Variants in ANO1 observed in about 807,000 individuals in gnomAD.
ANO1 encodes anoctamin-1.
In ANO1, 59 loss-of-function variants were observed where a neutral mutation model predicts 124.0. That is an observed-to-expected ratio of 0.48 (90% CI 0.39 to 0.59). The LOEUF is 0.59. ANO1 is among the 20% of genes least tolerant of loss of function. ANO1 has a pLI of 0.00. For synonymous variants in ANO1, 529 were observed against 532.0 expected, an observed-to-expected ratio of 0.99 and a Z score of 0.08; for missense variants, 1,059 against 1,328.0, an observed-to-expected ratio of 0.80 and a Z score of 3.15.
chr11:70,026,008 T>C (rs1383660811), intron 1 of ANO1, among the ~76,000 whole-genome samples: 2 of 148,878 alleles, frequency 1.3e-5, no homozygotes, highest in Non-Finnish European at 3.0e-5. Flanking sequence ...ATGATGATGA[T>C]GATGGTGGTG....
intron 18 of ANO1, among the ~76,000 whole-genome samples, chr11:70,162,099 G>GAGTGAGGGCCCCGGGC (rs1243477341): frequency 2.4e-3 from 359 of 149,782 alleles, no homozygotes; most frequent in South Asian, 9.9e-3. Flanking sequence ...GAGGACCCGG[G>GAGTGAGGGCCCCGGGC]AGTGAGGGCC....
In ANO1 at chr11:70,105,731, C is replaced by CAGATTT. The variant is rs1171707306; in HGVS notation, c.693-2_696dup. ...TCTTGTTTCCTTCCCGATATTTCCA[C>CAGATTT]AGATTTGACTTGTCTGATAAGGATT... On this transcript the variant is annotated splice_region_variant and splice_polypyrimidine_tract_variant and intron_variant, in intron 4 of 25. Coordinates refer to ENST00000355303, the MANE Select transcript of ANO1 (RefSeq NM_018043.7). 1.2e-6 allele frequency: 2 copies of CAGATTT among 1,613,356 alleles called. No individual in the cohort carries two copies. The highest frequency in any genetic ancestry group is 2.7e-5 in the African/African-American group (2 of 74,916).
chr11:70,144,882 A>G (rs1478958077), intron 11 of ANO1, among the ~76,000 whole-genome samples: 1 of 152,168 alleles, frequency 6.6e-6, no homozygotes, highest in Non-Finnish European at 1.5e-5. Flanking sequence ...AACCTCAGCT[A>G]TGTGTCTATA....
upstream of ANO1, among the ~76,000 whole-genome samples, chr11:70,074,659 C>T (rs1253894518): frequency 6.6e-6 from 1 of 152,172 alleles, no homozygotes; most frequent in Non-Finnish European, 1.5e-5. Flanking sequence ...AGCAGTGGTG[C>T]TCAACTGGGG....
chr11:70,131,332 T>TGC (rs1555034669), intron 10 of ANO1, among the ~76,000 whole-genome samples: 1,866 of 148,384 alleles, frequency 0.013, 62 homozygotes, highest in East Asian at 0.031. Flanking sequence ...TGTGTGTGTG[T>TGC]GCGCGTCTGT....
At chr11:69,997,793 TTCTC>T (rs1220421039) in intron 1 of ANO1, among the ~76,000 whole-genome samples, 2 of 151,996 alleles carry the variant, frequency 1.3e-5, no homozygotes, top group Non-Finnish European at 2.9e-5. Flanking sequence ...ACTTCACCCT[TTCTC>T]TCTCTCTTGC....
At chr11:70,013,162 A>G (rs1002235189) in intron 1 of ANO1, among the ~76,000 whole-genome samples, 2 of 152,244 alleles carry the variant, frequency 1.3e-5, no homozygotes, top group Non-Finnish European at 2.9e-5. Flanking sequence ...TGTGTTAGGC[A>G]GAGAGGCCAG....
chr11:70,059,061 G>A (rs1378948800), intron 1 of ANO1, among the ~76,000 whole-genome samples: 5 of 151,754 alleles, frequency 3.3e-5, no homozygotes, highest in Non-Finnish European at 5.9e-5. Context: ...GCGTGGTGGC[G>A]GGCGCCTGCA....
chr11:70,044,827 A>G (rs1484836341), intron 1 of ANO1, among the ~76,000 whole-genome samples: 1 of 152,240 alleles, frequency 6.6e-6, no homozygotes, highest in Non-Finnish European at 1.5e-5. Context: ...CTAAGAAGAC[A>G]TGACAACTCC....
At chr11:70,067,519 G>T (rs1857760899) in intron 1 of ANO1, among the ~76,000 whole-genome samples, 2 of 152,074 alleles carry the variant, frequency 1.3e-5, no homozygotes, top group African/African-American at 2.4e-5. Flanking sequence ...GTAGAGATGG[G>T]GTTTCACCAT....
chr11:70,174,476 T>A (rs193056266), intron 22 of ANO1, among the ~76,000 whole-genome samples: 1 of 152,218 alleles, frequency 6.6e-6, no homozygotes, highest in Non-Finnish European at 1.5e-5. Flanking sequence ...ACCATGGCCG[T>A]CTTTGCACAC....
At chr11:70,046,512 G>T (rs575136154) in intron 1 of ANO1, among the ~76,000 whole-genome samples, 1 of 152,242 alleles carries the variant, frequency 6.6e-6, no homozygotes, top group Admixed American at 6.5e-5. Flanking sequence ...AATGTAGCTT[G>T]TTATTTCAAG....
rs977066134 is a variant in ANO1, at chr11:70,170,939, A to G, written c.2250A>G (p.Pro750=). The change falls in exon 22 of 26, where the codon CCA becomes CCG. Residue 750 remains proline, a synonymous_variant. Coordinates refer to ENST00000355303, the MANE Select transcript of ANO1 (RefSeq NM_018043.7). The stretch of plus-strand genomic sequence containing the variant: ...TTGTCGCCTCCTTCCCCCTGGCCCC[A>G]CTGTTTGCGCTGCTGAACAACATCA... The part of the protein sequence containing the change: ...TLFVASFPLA[P]LFALLNNIIE... 3 of 1,613,044 alleles carry G rather than the reference A, an allele frequency of 1.9e-6. No homozygotes were observed. Among genetic ancestry groups the G allele is most frequent in the African/African-American group, 1.3e-5 (1 of 74,764 alleles).
intron 23 of ANO1, among the ~76,000 whole-genome samples, chr11:70,181,424 C>G (rs2048924857): frequency 6.6e-6 from 1 of 152,234 alleles, no homozygotes; most frequent in South Asian, 2.1e-4. Flanking sequence ...TGCGCTCCCA[C>G]CAGATTACAG....
chr11:69,980,649 T>C, the ANO1 span, among the ~76,000 whole-genome samples: 2 of 151,426 alleles, frequency 1.3e-5, no homozygotes, highest in African/African-American at 4.9e-5. Flanking sequence ...TAGAGATTGA[T>C]GGCTGTGAGG....
chr11:69,982,254 C>T (rs1021317301), upstream of ANO1, among the ~76,000 whole-genome samples: 2 of 152,176 alleles, frequency 1.3e-5, no homozygotes, highest in Non-Finnish European at 2.9e-5. Flanking sequence ...CAGGGGCCCC[C>T]GTTACTCGCC....
chr11:70,028,721 C>T (rs1856951702), intron 1 of ANO1, among the ~76,000 whole-genome samples: 1 of 152,186 alleles, frequency 6.6e-6, no homozygotes, highest in Non-Finnish European at 1.5e-5. Flanking sequence ...GGGTCCTCTG[C>T]TCCGTGCTCT....
intron 1 of ANO1, among the ~76,000 whole-genome samples, chr11:70,027,163 T>C (rs1331752991): frequency 3.3e-5 from 5 of 152,208 alleles, no homozygotes; most frequent in African/African-American, 1.2e-4. Context: ...TAGATTCTTT[T>C]TAACTTATGA....
In ANO1 at chr11:70,111,739, G is replaced by A. The variant is rs768725000; in HGVS notation, c.832G>A (p.Ala278Thr). ...ITSLLANGVY[A>T]AAYPLHDGDY... ...GAGCCTGCTGGCCAATGGTGTGTAC[G>A]CGGCTGCATACCCACTGCACGATGT... Residue 278 changes from alanine (A) to threonine (T), a missense_variant, in exon 7 of 26, where the codon GCG becomes ACG. By Grantham distance (58) the Ala-to-Thr change is moderately conservative. Coordinates refer to ENST00000355303, the MANE Select transcript of ANO1 (RefSeq NM_018043.7). The A allele has an allele frequency of 8.1e-6, 13 of 1,613,910 alleles. No homozygotes were observed. The highest frequency in any genetic ancestry group is 5.3e-5 in the African/African-American group (4 of 74,928).
Sources: gnomAD v4.1 joint callset for allele counts (sites outside exome capture counted in the v4.1 genomes callset) on GRCh38, gnomAD v4.1.1 for gene constraint, MANE v1.5 for transcripts, NCBI Gene and HGNC (gene_info 2026-07-23, HGNC 2026-07-21) for gene names.